SLIT3: variants seen among roughly 807,000 people sequenced by gnomAD.
The protein encoded by SLIT3 is slit guidance ligand 3.
A neutral mutation model predicts 184.0 loss-of-function variants in SLIT3; 68 were observed. That is an observed-to-expected ratio of 0.37 (90% CI 0.30 to 0.45). The LOEUF (loss-of-function observed/expected upper bound fraction) is 0.45. Ranked by LOEUF, SLIT3 falls within the 20% of genes least tolerant of loss-of-function variation. The pLI is 1.00. For synonymous variants in SLIT3, 831 were observed against 828.6 expected (o/e 1.00, Z -0.05); for missense variants, 1,707 against 2,026.0 (o/e 0.84, Z 3.02).
intron 4 of SLIT3, among the ~76,000 whole-genome samples, chr5:169,162,594 T>C (rs953964125): frequency 1.3e-5 from 2 of 152,178 alleles, no homozygotes; most frequent in East Asian, 3.9e-4. Context: ...GTGCGCAAAG[T>C]TATCCAACAG....
chr5:168,774,308 G>A lies in SLIT3; in HGVS notation c.1222C>T (p.Leu408Phe), dbSNP rs574491019. 2 of 1,614,096 alleles carry A rather than the reference G, an allele frequency of 1.2e-6. No individual in the cohort carries two copies. The highest frequency in any genetic ancestry group is 1.1e-5 in the South Asian group (1 of 91,074). The change falls in exon 13 of 36, where the codon CTC (leucine) becomes TTC (phenylalanine). Residue 408 changes from leucine to phenylalanine, a missense_variant. Transcript: ENST00000519560. ...TGCAGCTTGTTGTCATACAGGGAGAGCAAGTTGAGGTTCTGCAGGTCCTGA... is the reference window on the plus strand; with the variant it reads ...TGCAGCTTGTTGTCATACAGGGAGAACAAGTTGAGGTTCTGCAGGTCCTGA... ...TFQDLQNLNLLSLYDNKLQTI... is the reference protein window; with the variant it reads ...TFQDLQNLNLFSLYDNKLQTI...
intron 5 of SLIT3, among the ~76,000 whole-genome samples, chr5:168,858,507 T>A (rs961323926): frequency 6.6e-6 from 1 of 152,222 alleles, no homozygotes; most frequent in African/African-American, 2.4e-5. Flanking sequence ...TGTTTCCAGA[T>A]CAAATGTGCT....
At chr5:169,069,958 G>T (rs1361567633) in intron 4 of SLIT3, among the ~76,000 whole-genome samples, 1 of 152,302 alleles carries the variant, frequency 6.6e-6, no homozygotes, top group East Asian at 1.9e-4. Flanking sequence ...TTTCAGAAAG[G>T]TTACTCCACG....
chr5:169,253,091 A>G (rs1364127162), intron 1 of SLIT3, among the ~76,000 whole-genome samples: 1 of 152,146 alleles, frequency 6.6e-6, no homozygotes, highest in Non-Finnish European at 1.5e-5. Flanking sequence ...AAGAAAAAAA[A>G]AAAAGCATAG....
chr5:168,986,018 A>G (rs1318898597), intron 4 of SLIT3, among the ~76,000 whole-genome samples: 2 of 152,130 alleles, frequency 1.3e-5, no homozygotes, highest in African/African-American at 4.8e-5. Flanking sequence ...TTCATCATGT[A>G]GTAAGGCTTT....
chr5:168,748,414 G>T lies in SLIT3; in HGVS notation c.2158C>A (p.Gln720Lys). The T allele has an allele frequency of 6.6e-7, 1 of 1,525,114 alleles. No individual in the cohort carries two copies. Among genetic ancestry groups the T allele is most frequent in the Non-Finnish European group, 8.7e-7 (1 of 1,148,010 alleles). 94.5% of individuals were successfully genotyped at this position (1,525,114 alleles called of 1,614,324 possible). Reference protein sequence around the residue: ...TCDGNEESSCQLSPRCPEQCT... With the variant: ...TCDGNEESSCKLSPRCPEQCT... Reference sequence around the variant, plus strand: ...TGCTCCGGGCAGCGCGGGCTCAGCTGGCAGCTACTCTCCTCGTTGCCTGTG... The same window carrying T: ...TGCTCCGGGCAGCGCGGGCTCAGCTTGCAGCTACTCTCCTCGTTGCCTGTG... Residue 720 changes from glutamine (Q) to lysine (K), a missense_variant, in exon 20 of 36, where the codon CAG becomes AAG. Around this residue, in one of 3 missense-constraint regions of SLIT3, gnomAD observed 1,307 missense variants for 1,511.6 expected, o/e 0.86. Transcript: ENST00000519560.
At chr5:169,279,912 C>T (rs1766938813) in intron 1 of SLIT3, among the ~76,000 whole-genome samples, 1 of 152,216 alleles carries the variant, frequency 6.6e-6, no homozygotes, top group Non-Finnish European at 1.5e-5. Context: ...TAAAACTGTG[C>T]CTGGCACATG....
intron 20 of SLIT3, among the ~76,000 whole-genome samples, chr5:168,738,242 A>G (rs1184839270): frequency 1.3e-5 from 2 of 152,230 alleles, no homozygotes; most frequent in Non-Finnish European, 2.9e-5. Flanking sequence ...AAATTAGTGG[A>G]GGGTAAAACT....
intron 20 of SLIT3, among the ~76,000 whole-genome samples, chr5:168,740,514 A>G (rs1763592126): frequency 6.6e-6 from 1 of 152,188 alleles, no homozygotes; most frequent in Non-Finnish European, 1.5e-5. Context: ...GACCCAAGGG[A>G]GCTGAAAAGC....
At chr5:168,984,057 A>G (rs1258638554) in intron 4 of SLIT3, among the ~76,000 whole-genome samples, 1 of 148,722 alleles carries the variant, frequency 6.7e-6, no homozygotes, top group Non-Finnish European at 1.5e-5. Context: ...CTCAAAATAT[A>G]TATATATTTT....
chr5:168,919,256 T>C (rs12173154), intron 4 of SLIT3, among the ~76,000 whole-genome samples: 2,387 of 134,768 alleles, frequency 0.018, 65 homozygotes, highest in East Asian at 0.14. Flanking sequence ...CGAGACTCCA[T>C]CTCAAAAAAA....
At chr5:169,275,305 G>A (rs1244760354) in intron 1 of SLIT3, among the ~76,000 whole-genome samples, 4 of 152,182 alleles carry the variant, frequency 2.6e-5, no homozygotes, top group Non-Finnish European at 4.4e-5. Context: ...CGACTGTCAA[G>A]TGTCAAAATG....
At chr5:168,730,641 G>C (rs1478416218) in intron 20 of SLIT3, among the ~76,000 whole-genome samples, 1 of 151,172 alleles carries the variant, frequency 6.6e-6, no homozygotes, top group Non-Finnish European at 1.5e-5. Flanking sequence ...GGTCAACAAA[G>C]AAATTAAAAT....
At chr5:168,739,877 A>G (rs1021610880) in intron 20 of SLIT3, among the ~76,000 whole-genome samples, 2 of 152,248 alleles carry the variant, frequency 1.3e-5, no homozygotes, top group African/African-American at 4.8e-5. Context: ...GATATTAAAA[A>G]GATTTGCAAA....
chr5:168,921,361 T>C (rs1220945127), intron 4 of SLIT3, among the ~76,000 whole-genome samples: 2 of 152,166 alleles, frequency 1.3e-5, no homozygotes, highest in Admixed American at 6.5e-5. Context: ...CAATTTTCTG[T>C]AGTAAAGATA....
chr5:168,708,645 C>T (rs1762450446), intron 25 of SLIT3: 1 of 161,814 alleles, frequency 6.2e-6, no homozygotes, highest in Non-Finnish European at 1.4e-5. Context: ...GAAAACTGCT[C>T]AGGTACATGT....
chr5:169,264,816 CAT>C (rs1312273009), intron 1 of SLIT3, among the ~76,000 whole-genome samples: 2 of 152,202 alleles, frequency 1.3e-5, no homozygotes, highest in East Asian at 3.8e-4. Flanking sequence ...AGTTTAAAAA[CAT>C]ACACGCATTT....
intron 2 of SLIT3, 107 bp downstream of exon 2, chr5:169,251,281 C>A (rs995688594): frequency 2.6e-6 from 2 of 778,384 alleles, no homozygotes; most frequent in African/African-American, 1.7e-5. Context: ...ATGGTGAATT[C>A]CTGTTGTCCA....
intron 4 of SLIT3, among the ~76,000 whole-genome samples, chr5:169,132,847 T>A (rs1200813502): frequency 6.6e-6 from 1 of 152,230 alleles, no homozygotes; most frequent in Non-Finnish European, 1.5e-5. Flanking sequence ...CATAACAGGG[T>A]TGTGCAAATA....
Sources: allele counts gnomAD v4.1 joint callset (sites outside exome capture counted in the v4.1 genomes callset), GRCh38; gene constraint gnomAD v4.1.1; regional missense constraint gnomAD v4.1.1; transcripts MANE v1.5; gene names NCBI Gene and HGNC (gene_info 2026-07-23, HGNC 2026-07-21).